The following DOCK8 variants were observed in gnomAD, a reference collection of about 807,000 sequenced individuals.
DOCK8 encodes the protein dedicator of cytokinesis 8.
DOCK8 carries 141 observed loss-of-function variants against 245.6 expected under a neutral mutation model. The observed-to-expected ratio is 0.57, with a 90% CI of 0.50 to 0.66. The LOEUF (loss-of-function observed/expected upper bound fraction) is 0.66, where lower values mean the gene tolerates loss of function less well. Among genes scored for constraint, DOCK8 ranks in the 30% least tolerant of loss-of-function variants. The probability of loss-of-function intolerance (pLI) is 0.00; values close to 1 mark genes in which losing one functional copy is unlikely to be tolerated. For synonymous variants in DOCK8, 1,168 were observed against 970.2 expected, an observed-to-expected ratio of 1.20 and a Z score of -3.79; for missense variants, 2,965 against 2,603.4, an observed-to-expected ratio of 1.14 and a Z score of -3.02.
At chr9:449,332 A>G (rs1350438228) in intron 44 of DOCK8, among the ~76,000 whole-genome samples, 1 of 149,526 alleles carries the variant, frequency 6.7e-6, no homozygotes, top group Non-Finnish European at 1.5e-5. Flanking sequence ...CCTAGACAAC[A>G]AGAGCAAAAC....
intron 4 of DOCK8, among the ~76,000 whole-genome samples, chr9:292,735 TTTAA>T (rs1328157323): frequency 1.3e-5 from 2 of 152,174 alleles, no homozygotes; most frequent in Non-Finnish European, 2.9e-5. Flanking sequence ...TAAAGTTGTT[TTTAA>T]TTTTCAACAT....
intron 1 of DOCK8, among the ~76,000 whole-genome samples, chr9:260,142 G>C (rs2047882514): frequency 6.6e-6 from 1 of 152,192 alleles, no homozygotes; most frequent in Admixed American, 6.5e-5. Flanking sequence ...TCTGCAACTG[G>C]GACTTTGTTT....
intron 8 of DOCK8, among the ~76,000 whole-genome samples, chr9:327,250 C>G (rs1162480810): frequency 6.6e-6 from 1 of 152,216 alleles, no homozygotes; most frequent in Admixed American, 6.5e-5. Flanking sequence ...ATCTCCAGTG[C>G]TGCTTCCATG....
In DOCK8 at chr9:328,154, A is replaced by T; in HGVS notation, c.1027A>T (p.Ile343Phe). ...VFSVTYPSSDIYLVVKIEKVL... is the reference protein window; with the variant it reads ...VFSVTYPSSDFYLVVKIEKVL... ...CTCAGTCACCTACCCGTCCTCAGAC[A>T]TCTACCTGGTAGTCAAGGTAATTCA... The change falls in exon 9 of 48, where the codon ATC becomes TTC. Residue 343 changes from isoleucine (I) to phenylalanine (F), a missense_variant. By Grantham distance (21) the Ile-to-Phe change is conservative. Around this residue, in one of 3 missense-constraint regions of DOCK8, gnomAD observed 2,825 missense variants for 2,453.5 expected, o/e 1.15. Transcript: ENST00000432829. The T allele has an allele frequency of 5.6e-6, 9 of 1,614,068 alleles. No individual in the cohort carries two copies. Among genetic ancestry groups the T allele is most frequent in the Non-Finnish European group, 7.6e-6 (9 of 1,179,948 alleles).
At chr9:403,876 C>CTG (rs1564020873) in intron 26 of DOCK8, among the ~76,000 whole-genome samples, 9 of 88,700 alleles carry the variant, frequency 1.0e-4, no homozygotes, top group South Asian at 3.7e-4. Context: ...CTCTCTCTCT[C>CTG]TCTCTCTCTC....
intron 4 of DOCK8, among the ~76,000 whole-genome samples, chr9:301,786 T>C (rs1034241821): frequency 1.3e-5 from 2 of 152,136 alleles, no homozygotes; most frequent in Non-Finnish European, 2.9e-5. Context: ...ATACAGCTAA[T>C]CAAGGAGGTG....
At chr9:235,488 C>T (rs1297769817) in intron 1 of DOCK8, among the ~76,000 whole-genome samples, 1 of 152,184 alleles carries the variant, frequency 6.6e-6, no homozygotes, top group Non-Finnish European at 1.5e-5. Flanking sequence ...TGTGCCCTGC[C>T]CCCAGAAGTG....
intron 26 of DOCK8, among the ~76,000 whole-genome samples, chr9:400,637 TC>T (rs1564014761): frequency 1.7e-5 from 1 of 58,370 alleles, no homozygotes; most frequent in Non-Finnish European, 3.2e-5. Flanking sequence ...CACCACCACC[TC>T]CACCATCACC....
Position 463,667 on chromosome 9 carries a change from C to T in DOCK8, c.6219C>T (p.Phe2073=). The T allele has an allele frequency of 6.2e-7, 1 of 1,613,818 alleles. No individual in the cohort carries two copies. Among genetic ancestry groups the T allele is most frequent in the Non-Finnish European group, 8.5e-7 (1 of 1,180,038 alleles). ...RKIPELYKPI[F]RVESQKRDSF... ...TTCCAGAACTGTACAAGCCAATATT[C>T]AGAGTTGAGAGTCAAAAGAGGTAAG... is the stretch of plus-strand genomic sequence containing the variant. The change falls in exon 47 of 48, where the codon TTC becomes TTT. Residue 2073 remains phenylalanine, a synonymous_variant. Coordinates refer to ENST00000432829, the MANE Select transcript of DOCK8 (RefSeq NM_203447.4).
At chr9:422,207 A>G in intron 33 of DOCK8, 72 bp downstream of exon 33, 1 of 1,183,048 alleles carries the variant, frequency 8.5e-7, no homozygotes, top group Non-Finnish European at 1.3e-6. Flanking sequence ...TGCTTGTATT[A>G]CTGAAACAAC....
Position 254,606 on chromosome 9 carries a change from G to T in DOCK8, c.54-17021G>T, listed in dbSNP as rs193063065. 1.8e-3 allele frequency among the ~76,000 whole-genome samples: 271 copies of T among 152,256 alleles called. 1 individual carries two copies. The highest frequency in any genetic ancestry group is 3.0e-3 in the Non-Finnish European group (205 of 68,034). Reference sequence around the variant, plus strand: ...AAAATGTTGACTTGTGCTATCCTGGGAACCTTGACCTTCCTGCATTATGGA... The same window carrying T: ...AAAATGTTGACTTGTGCTATCCTGGTAACCTTGACCTTCCTGCATTATGGA... On this transcript the variant is annotated intron_variant, in intron 1 of 47. Coordinates refer to ENST00000432829, the MANE Select transcript of DOCK8 (RefSeq NM_203447.4).
At chr9:317,193 G>A (rs2050383843) in intron 7 of DOCK8, 65 bp downstream of exon 7, 1 of 1,310,860 alleles carries the variant, frequency 7.6e-7, no homozygotes, top group Non-Finnish European at 1.1e-6. Context: ...TACAAATGTT[G>A]TGTTTATTAT....
rs574350681 is a variant in DOCK8, at chr9:249,619, A to T, written c.54-22008A>T. 2.6e-5 allele frequency among the ~76,000 whole-genome samples: 4 copies of T among 151,492 alleles called. No individual in the cohort carries two copies. In the East Asian group the frequency reaches 7.8e-4, roughly 29 times the overall value. ...CTTTTCTTATTTTTTAATTTTTTTA[A>T]TTTTTTATTTTTTGAGACGGAGTCT... On this transcript the variant is annotated intron_variant, in intron 1 of 47. Coordinates refer to ENST00000432829, the MANE Select transcript of DOCK8 (RefSeq NM_203447.4).
rs531719221 is a variant in DOCK8 at position 244,177 on chromosome 9, G to T, written c.54-27450G>T. 3.4e-5 allele frequency among the ~76,000 whole-genome samples: 4 copies of T among 118,888 alleles called. No homozygotes were observed. The East Asian group carries it at 8.0e-4, about 24-fold the overall frequency. 78.0% of individuals were successfully genotyped at this position (118,888 alleles called of 152,430 possible). A position where few individuals can be genotyped will look rare whatever the true frequency, so the allele number is the denominator to read the frequency against. On this transcript the variant is annotated intron_variant, in intron 1 of 47. Transcript: ENST00000432829. Reference sequence around the variant, plus strand: ...CACTCCAGCCTGGGTGACAGAGCCAGACTCCGTCTGAAAAAAAAAAAAAAA... The same window carrying T: ...CACTCCAGCCTGGGTGACAGAGCCATACTCCGTCTGAAAAAAAAAAAAAAA...
At chr9:285,768 C>T (rs1001277445) in intron 2 of DOCK8, among the ~76,000 whole-genome samples, 4 of 152,114 alleles carry the variant, frequency 2.6e-5, no homozygotes, top group Non-Finnish European at 5.9e-5. Flanking sequence ...GAGCAAAGAA[C>T]ACTTATTTCA....
rs768386705 is a variant in DOCK8, at chr9:428,439, T to G, written c.4416T>G (p.Asp1472Glu). 7 of 1,614,066 alleles carry G rather than the reference T, an allele frequency of 4.3e-6. No homozygotes were observed. The highest frequency in any genetic ancestry group is 5.9e-6 in the Non-Finnish European group (7 of 1,180,036). The change falls in exon 35 of 48, where the codon GAT (aspartate) becomes GAG (glutamate). Residue 1472 changes from aspartate to glutamate, a missense_variant. This residue lies in a region of DOCK8 where 2,825 missense variants were observed against 2,453.5 expected (regional missense o/e 1.15). Coordinates refer to ENST00000432829, the MANE Select transcript of DOCK8 (RefSeq NM_203447.4). The stretch of plus-strand genomic sequence containing the variant: ...TGCTGGTGAATTCTCTGAACTGTGA[T>G]CAGAGTACCACCTACCTGACTCACT... ...LRVLVNSLNC[D>E]QSTTYLTHCF...
rs957568491 is a variant in DOCK8, at chr9:421,920, C to T, written c.4154-128C>T. 7 of 828,834 alleles carry T rather than the reference C, an allele frequency of 8.4e-6. No individual in the cohort carries two copies. The African/African-American group carries it at 1.0e-4, about 12-fold the overall frequency. The allele number at this position is 828,834 out of a possible 1,614,324, so 51.3% of individuals were successfully genotyped here. A position where few individuals can be genotyped will look rare whatever the true frequency, so the allele number is the denominator to read the frequency against. On this transcript the variant is annotated intron_variant, in intron 32 of 47. Coordinates refer to ENST00000432829, the MANE Select transcript of DOCK8 (RefSeq NM_203447.4). ...TGGCGACTTTGTCTCCTACCAGCAA[C>T]CTGCATGGACTCTAATTAGCCCGAG...
intron 25 of DOCK8, among the ~76,000 whole-genome samples, chr9:397,974 A>G (rs923302994): frequency 1.3e-5 from 2 of 152,232 alleles, no homozygotes; most frequent in African/African-American, 4.8e-5. Context: ...GAATAAATCA[A>G]ATGTTTAAAA....
chr9:372,512 C>A (rs1039216508), intron 18 of DOCK8, among the ~76,000 whole-genome samples: 1 of 152,168 alleles, frequency 6.6e-6, no homozygotes, highest in Non-Finnish European at 1.5e-5. Context: ...GGCAGCATAA[C>A]CTTGCATTAT....
Sources: gnomAD v4.1 joint callset for allele counts (sites outside exome capture counted in the v4.1 genomes callset) on GRCh38, gnomAD v4.1.1 for gene constraint, gnomAD v4.1.1 regional missense constraint, MANE v1.5 for transcripts, NCBI Gene and HGNC (gene_info 2026-07-23, HGNC 2026-07-21) for gene names.